The following ZNF331 variants were observed in gnomAD, a reference collection of about 807,000 sequenced individuals.
ZNF331 encodes the protein zinc finger protein 331.
Under a neutral mutation model 7.0 loss-of-function variants are expected in ZNF331, and 2 were observed. That is an observed-to-expected ratio of 0.29 (90% confidence interval 0.12 to 0.90). ZNF331 has a LOEUF of 0.90. Among genes scored for constraint, ZNF331 ranks in the 40% least tolerant of loss-of-function variants. The probability of loss-of-function intolerance (pLI) is 0.58; values close to 1 mark genes in which losing one functional copy is unlikely to be tolerated. For missense variants in ZNF331, 432 were observed against 587.7 expected, an observed-to-expected ratio of 0.74 and a Z score of 2.74; for synonymous variants, 196 against 205.4, an observed-to-expected ratio of 0.95 and a Z score of 0.39.
intron 2 of ZNF331, among the ~76,000 whole-genome samples, chr19:53,541,898 A>AGAAG (rs2088203886): frequency 6.6e-6 from 1 of 152,060 alleles, no homozygotes; most frequent in Non-Finnish European, 1.5e-5. Context: ...CTATAGTTTC[A>AGAAG]GCTACTCAGA....
chr19:53,508,179 TTGTCACTGCA>T, the ZNF331 span, among the ~76,000 whole-genome samples: 1 of 152,168 alleles, frequency 6.6e-6, no homozygotes, highest in Non-Finnish European at 1.5e-5. Context: ...CATGCAGAGC[TTGTCACTGCA>T]GGCCGGGCTT....
At position 53,560,295 on chromosome 19, in the gene ZNF331, A is replaced by G. The variant is rs1320728487; in HGVS notation, c.-74+4387A>G. 1.3e-5 allele frequency among the ~76,000 whole-genome samples: 2 copies of G among 151,968 alleles called. No individual in the cohort carries two copies. The highest frequency in any genetic ancestry group is 2.4e-5 in the African/African-American group (1 of 41,316). ...ACACACACCATATATATGCACATAT[A>G]TATATACACCCACACCATATACACA... On this transcript the variant is annotated intron_variant, in intron 3 of 5. Coordinates refer to ENST00000449416, the MANE Select transcript of ZNF331 (RefSeq NM_001079906.2). The surrounding 1 kb of genome is among the most constrained non-coding windows in gnomAD (Gnocchi z 4.3).
In ZNF331 at chr19:53,560,752, G is replaced by T. The variant is rs898516450; in HGVS notation, c.-74+4844G>T. On this transcript the variant is annotated intron_variant, in intron 3 of 5. Coordinates refer to ENST00000449416, the MANE Select transcript of ZNF331 (RefSeq NM_001079906.2). This position sits in a 1 kb window ranked among gnomAD's most constrained non-coding sequence, Gnocchi z 4.3. ...CCATCAGCAAAGCCTGAAAAGACAAGTCCTTTTTCCGTCACACCACTCTGA... is the reference window on the plus strand; with the variant it reads ...CCATCAGCAAAGCCTGAAAAGACAATTCCTTTTTCCGTCACACCACTCTGA... Among the ~76,000 whole-genome samples the T allele has an allele frequency of 3.3e-5, 5 of 152,098 alleles. No homozygotes were observed. Among genetic ancestry groups the T allele is most frequent in the African/African-American group, 1.2e-4 (5 of 41,410 alleles).
At chr19:53,515,905 C>T (rs1488740770), upstream of ZNF331, among the ~76,000 whole-genome samples, 4 of 152,028 alleles carry the variant, frequency 2.6e-5, no homozygotes, top group African/African-American at 9.7e-5. Context: ...AAATTTCCTT[C>T]AAAGGACAAA....
chr19:53,533,731 T>A (rs888859914), upstream of ZNF331, among the ~76,000 whole-genome samples: 38 of 152,222 alleles, frequency 2.5e-4, no homozygotes, highest in African/African-American at 8.9e-4. Flanking sequence ...CCCTTTATAA[T>A]TCTATAATGA....
chr19:53,533,314 T>TA (rs1413008794), upstream of ZNF331, among the ~76,000 whole-genome samples: 1 of 152,204 alleles, frequency 6.6e-6, no homozygotes, highest in African/African-American at 2.4e-5. Flanking sequence ...TTCCTCCTGT[T>TA]ATTGATTTCT....
At chr19:53,567,333 C>T (rs1472701107) in intron 3 of ZNF331, among the ~76,000 whole-genome samples, 2 of 152,144 alleles carry the variant, frequency 1.3e-5, no homozygotes, top group African/African-American at 2.4e-5. Flanking sequence ...TTGGATAATA[C>T]AGCCCCTGTT....
At position 53,571,852 on chromosome 19, in the gene ZNF331, T is replaced by C. The variant is rs199710342; in HGVS notation, c.136+122T>C. The stretch of plus-strand genomic sequence containing the variant: ...CTTCTTCCTGTCCCCAAGGAATGTA[T>C]TGAGCCTTATTGATGTGGCCGTGAG... On this transcript the variant is annotated intron_variant, in intron 5 of 5. Coordinates refer to ENST00000449416, the MANE Select transcript of ZNF331 (RefSeq NM_001079906.2). This position sits in a 1 kb window ranked among gnomAD's most constrained non-coding sequence, Gnocchi z 4.7. 380 of 1,311,400 alleles carry C rather than the reference T, an allele frequency of 2.9e-4. 4 individuals carry two copies. In the East Asian group the frequency reaches 9.1e-3, roughly 31 times the overall value. The allele number at this position is 1,311,400 out of a possible 1,614,324, so 81.2% of individuals were successfully genotyped here.
rs1331073657 is a variant in ZNF331 at position 53,577,899 on chromosome 19, G to A, written c.1339G>A (p.Ala447Thr). 11 of 1,613,800 alleles carry A rather than the reference G, an allele frequency of 6.8e-6. No individual in the cohort carries two copies. The highest frequency in any genetic ancestry group is 9.3e-6 in the Non-Finnish European group (11 of 1,180,018). Residue 447 changes from alanine (A) to threonine (T), a missense_variant, in exon 6 of 6, where the codon GCA (alanine) becomes ACA (threonine). By Grantham distance (58) the Ala-to-Thr change is moderately conservative. This residue lies in a region of ZNF331 where 312 missense variants were observed against 448.6 expected (regional missense o/e 0.70). Coordinates refer to ENST00000449416, the MANE Select transcript of ZNF331 (RefSeq NM_001079906.2). ...CTACGAATGTAAGGAGTGCGGGAAGGCATGTAACCACCTAAACCATCTCCG... is the reference window on the plus strand; with the variant it reads ...CTACGAATGTAAGGAGTGCGGGAAGACATGTAACCACCTAAACCATCTCCG... ...KSYECKECGK[A>T]CNHLNHLREH...
the ZNF331 span, among the ~76,000 whole-genome samples, chr19:53,510,106 A>G: frequency 6.6e-6 from 1 of 152,164 alleles, no homozygotes; most frequent in East Asian, 1.9e-4. Context: ...CACAGAGTAA[A>G]CCATGTTAGA....
At chr19:53,531,853 AT>A (rs1568465224) in intron 2 of ZNF331, among the ~76,000 whole-genome samples, 1 of 152,038 alleles carries the variant, frequency 6.6e-6, no homozygotes, top group Non-Finnish European at 1.5e-5. Context: ...GAGTTGGCAA[AT>A]TTTTTTCTGT....
chr19:53,519,176 C>T (rs1343243011), upstream of ZNF331, among the ~76,000 whole-genome samples: 1 of 152,058 alleles, frequency 6.6e-6, no homozygotes, highest in Non-Finnish European at 1.5e-5. Context: ...ACCTCACAGG[C>T]GCCCTCCCTT....
At chr19:53,566,134 AG>A (rs2090142682) in intron 3 of ZNF331, among the ~76,000 whole-genome samples, 1 of 152,010 alleles carries the variant, frequency 6.6e-6, no homozygotes, top group Non-Finnish European at 1.5e-5. Context: ...GAGGTTGCAT[AG>A]GACAGGTTAG....
chr19:53,507,023 C>T, the ZNF331 span, among the ~76,000 whole-genome samples: 76,000 of 151,902 alleles, frequency 0.5, 19,126 homozygotes, highest in East Asian at 0.61. Context: ...TGATCCCCGC[C>T]CTGCCAGCAG....
intron 5 of ZNF331, among the ~76,000 whole-genome samples, chr19:53,576,109 C>T (rs1030980751): frequency 2.6e-5 from 4 of 151,958 alleles, no homozygotes; most frequent in East Asian, 1.9e-4. Context: ...CTCAGCCTCC[C>T]GAGTAGCTGG....
chr19:53,520,229 G>GT (rs35342685), upstream of ZNF331, among the ~76,000 whole-genome samples: 62,436 of 151,444 alleles, frequency 0.41, 13,173 homozygotes, highest in South Asian at 0.49. Flanking sequence ...TGCATTTTTA[G>GT]AGCGATGGGG....
At chr19:53,516,293 A>C (rs2086901794), upstream of ZNF331, among the ~76,000 whole-genome samples, 1 of 152,052 alleles carries the variant, frequency 6.6e-6, no homozygotes, top group South Asian at 2.1e-4. Flanking sequence ...TCTACTAAAA[A>C]TACAAAAATT....
chr19:53,541,148 C>G (rs547809476), intron 2 of ZNF331, among the ~76,000 whole-genome samples: 1 of 145,910 alleles, frequency 6.9e-6, no homozygotes, highest in African/African-American at 2.5e-5. Context: ...GCTCTTGTTG[C>G]CCAGGCTGGA....
Position 53,571,507 on chromosome 19 carries a change from C to T in ZNF331, c.10-97C>T. 3.3e-6 allele frequency: 5 copies of T among 1,505,280 alleles called. No homozygotes were observed. The highest frequency in any genetic ancestry group is 4.5e-6 in the Non-Finnish European group (5 of 1,108,232). The allele number at this position is 1,505,280 out of a possible 1,614,324, so 93.2% of individuals were successfully genotyped here. On this transcript the variant is annotated intron_variant, in intron 4 of 5. Transcript: ENST00000449416. The surrounding 1 kb of genome is among the most constrained non-coding windows in gnomAD (Gnocchi z 4.7). Reference sequence around the variant, plus strand: ...CGATGTCACGGGTGTTCAGTCTGCTCACGGTGTTCACCCTACCCAGAGGGT... The same window carrying T: ...CGATGTCACGGGTGTTCAGTCTGCTTACGGTGTTCACCCTACCCAGAGGGT...
Sources: gnomAD v4.1 joint callset for allele counts (sites outside exome capture counted in the v4.1 genomes callset) on GRCh38, gnomAD v4.1.1 for gene constraint, gnomAD v4.1.1 regional missense constraint, Gnocchi (gnomAD v3.1) non-coding constraint, MANE v1.5 for transcripts, NCBI Gene and HGNC (gene_info 2026-07-23, HGNC 2026-07-21) for gene names.